The following ACCSL variants were observed in gnomAD, a reference collection of about 807,000 sequenced individuals.
ACCSL encodes probable inactive 1-aminocyclopropane-1-carboxylate synthase-like protein 2.
ACCSL carries 55 observed loss-of-function variants against 61.7 expected under a neutral mutation model. That is an observed-to-expected ratio of 0.89 (90% CI 0.72 to 1.12). The LOEUF (loss-of-function observed/expected upper bound fraction) is 1.12, where lower values mean the gene tolerates loss of function less well. Ranked by LOEUF, ACCSL falls within the 50% of genes most tolerant of loss-of-function variation. The pLI is 0.00. For missense variants in ACCSL, 632 were observed against 698.0 expected (o/e 0.91, Z 1.07); for synonymous variants, 258 against 264.3 (o/e 0.98, Z 0.23).
the ACCSL span, among the ~76,000 whole-genome samples, chr11:43,978,628 G>GT: frequency 0.048 from 7,314 of 151,984 alleles, 289 homozygotes; most frequent in Non-Finnish European, 0.068. Flanking sequence ...CAGGGAGGAA[G>GT]TATTTCTCCC....
intron 13 of ACCSL, 121 bp from the exon 14 acceptor site, chr11:44,059,717 C>G: frequency 7.1e-6 from 5 of 701,668 alleles, no homozygotes; most frequent in Non-Finnish European, 2.4e-6. Context: ...GGTGGGAGGG[C>G]TGAAGTTCAG....
chr11:43,972,571 C>A, the ACCSL span, among the ~76,000 whole-genome samples: 1 of 152,064 alleles, frequency 6.6e-6, no homozygotes, highest in Admixed American at 6.6e-5. Flanking sequence ...CCAGAGGAGA[C>A]CTTTCTGTGA....
At chr11:44,031,292 C>A in the ACCSL span, among the ~76,000 whole-genome samples, 4 of 152,174 alleles carry the variant, frequency 2.6e-5, no homozygotes, top group Admixed American at 6.5e-5. Flanking sequence ...TTCCTGAAGA[C>A]CCAGATGTCA....
chr11:44,052,994 A>C lies in ACCSL; in HGVS notation c.874A>C (p.Thr292Pro), dbSNP rs190671293. The C allele has an allele frequency of 1.1e-5, 18 of 1,613,862 alleles. No individual in the cohort carries two copies. In the East Asian group the frequency reaches 3.6e-4, roughly 32 times the overall value. The change falls in exon 7 of 14, where the codon ACT becomes CCT. Residue 292 changes from threonine to proline, a missense_variant. Physicochemically the swap from Thr to Pro is conservative, Grantham distance 38. Transcript: ENST00000378832. Reference protein sequence around the residue: ...LIPVHLESEVTVTNTHPFQLT... With the variant: ...LIPVHLESEVPVTNTHPFQLT... Reference sequence around the variant, plus strand: ...TCACATAGTGTTTCTCTTCCAGGTCACTGTTACAAACACCCATCCTTTCCA... The same window carrying C: ...TCACATAGTGTTTCTCTTCCAGGTCCCTGTTACAAACACCCATCCTTTCCA...
chr11:43,955,993 A>T, the ACCSL span, among the ~76,000 whole-genome samples: 1 of 151,718 alleles, frequency 6.6e-6, no homozygotes. Flanking sequence ...AAGGAGTTTA[A>T]TTGAGCAATG....
chr11:44,010,573 T>G, the ACCSL span, among the ~76,000 whole-genome samples: 10 of 152,196 alleles, frequency 6.6e-5, no homozygotes, highest in Admixed American at 3.9e-4. Context: ...CCCTCTCTCT[T>G]GAGCTCTTTC....
chr11:43,938,465 G>A, the ACCSL span, among the ~76,000 whole-genome samples: 4 of 152,218 alleles, frequency 2.6e-5, no homozygotes, highest in Non-Finnish European at 5.9e-5. Context: ...TTTCTTGACA[G>A]AGTTATGAAG....
the ACCSL span, chr11:43,924,966 C>G: frequency 6.2e-6 from 1 of 161,980 alleles, no homozygotes; most frequent in Non-Finnish European, 1.4e-5. Context: ...GGAATGTTTC[C>G]TCTGAAAACA....
In ACCSL at chr11:44,048,312, C is replaced by T. The variant is rs199731719; in HGVS notation, c.276C>T (p.Leu92=). ...LQSGAASGLE[L]QVPLPSEDSR... is the part of the protein sequence containing the mutation. ...CTGGGGCCGCGAGTGGCCTGGAGCT[C>T]CAAGTGCCTCTTCCTTCTGAGGACT... Residue 92 remains leucine (L), a synonymous_variant, in exon 1 of 14, where the codon CTC becomes CTT. Transcript: ENST00000378832. The T allele has an allele frequency of 9.3e-6, 15 of 1,613,890 alleles. No individual in the cohort carries two copies. Among genetic ancestry groups the T allele is most frequent in the Non-Finnish European group, 1.2e-5 (14 of 1,179,982 alleles).
the ACCSL span, among the ~76,000 whole-genome samples, chr11:43,929,442 CT>C: frequency 6.6e-5 from 10 of 152,086 alleles, no homozygotes; most frequent in Non-Finnish European, 1.3e-4. Flanking sequence ...GAGTTTCACT[CT>C]TTTGCCCAGA....
chr11:44,015,303 T>G, the ACCSL span, among the ~76,000 whole-genome samples: 1 of 152,218 alleles, frequency 6.6e-6, no homozygotes, highest in Non-Finnish European at 1.5e-5. Context: ...GATGGGAAAC[T>G]GAGGCTGGGA....
At chr11:43,961,373 CG>C in the ACCSL span, among the ~76,000 whole-genome samples, 37 of 152,156 alleles carry the variant, frequency 2.4e-4, no homozygotes, top group African/African-American at 8.7e-4. Flanking sequence ...CTATTTTTCC[CG>C]GGGACAAGAT....
chr11:43,928,404 CATATCAAGGTT>C, the ACCSL span, among the ~76,000 whole-genome samples: 3 of 152,302 alleles, frequency 2.0e-5, no homozygotes, highest in Admixed American at 2.0e-4. Flanking sequence ...ACGAGGTCAG[CATATCAAGGTT>C]ATTACTGATA....
chr11:44,027,896 G>A, the ACCSL span, among the ~76,000 whole-genome samples: 4 of 152,142 alleles, frequency 2.6e-5, no homozygotes, highest in Admixed American at 1.3e-4. Flanking sequence ...TGGGTGTGGC[G>A]GCTCATGCCT....
the ACCSL span, chr11:43,943,944 TGG>T: frequency 9.7e-7 from 1 of 1,025,672 alleles, no homozygotes; most frequent in Non-Finnish European, 1.3e-6. The surrounding 1 kb of genome is among the most constrained non-coding windows in gnomAD (Gnocchi z 4.8). Context: ...CTCGGGGAGG[TGG>T]GGGAGGAGGT....
chr11:43,923,384 G>T, the ACCSL span, among the ~76,000 whole-genome samples: 4 of 151,984 alleles, frequency 2.6e-5, no homozygotes, highest in African/African-American at 9.7e-5. Flanking sequence ...TTTTTTAATG[G>T]TGGCTTTGGT....
chr11:44,053,142 C>G, intron 7 of ACCSL, 74 bp downstream of exon 7: 2 of 1,354,612 alleles, frequency 1.5e-6, no homozygotes, highest in Non-Finnish European at 2.1e-6. Context: ...AATTCTGGTA[C>G]TGCTTATTCA....
At chr11:43,962,021 T>C in the ACCSL span, among the ~76,000 whole-genome samples, 1 of 152,214 alleles carries the variant, frequency 6.6e-6, no homozygotes, top group Non-Finnish European at 1.5e-5. Context: ...CATCCCTTCT[T>C]ACTTTGTGCA....
At chr11:44,007,320 T>C in the ACCSL span, among the ~76,000 whole-genome samples, 44 of 152,162 alleles carry the variant, frequency 2.9e-4, no homozygotes, top group African/African-American at 1.0e-3. Context: ...TCGGGCCCCC[T>C]TCCCAGCCAG....
Sources: allele counts gnomAD v4.1 joint callset (sites outside exome capture counted in the v4.1 genomes callset), GRCh38; gene constraint gnomAD v4.1.1; non-coding constraint Gnocchi (gnomAD v3.1); transcripts MANE v1.5; gene names NCBI Gene and HGNC (gene_info 2026-07-23, HGNC 2026-07-21).